Variants in PCDH1 observed in about 807,000 individuals in gnomAD.
The protein encoded by PCDH1 is protocadherin-1.
In PCDH1, 23 loss-of-function variants were observed where a neutral mutation model predicts 74.6. The observed-to-expected ratio is 0.31, with a 90% confidence interval of 0.22 to 0.44. The LOEUF is 0.44. Among genes scored for constraint, PCDH1 ranks in the 20% least tolerant of loss-of-function variants. The pLI is 1.00. For missense variants in PCDH1, 1,214 were observed against 1,641.4 expected (o/e 0.74, Z 4.50); for synonymous variants, 647 against 686.1 (o/e 0.94, Z 0.89).
chr5:141,878,313 G>A lies in PCDH1; in HGVS notation c.-51C>T. 1 of 1,196,818 alleles carries A rather than the reference G, an allele frequency of 8.4e-7. No individual in the cohort carries two copies. The highest frequency in any genetic ancestry group is 1.0e-6 in the Non-Finnish European group (1 of 964,858). The allele number at this position is 1,196,818 out of a possible 1,614,324, so 74.1% of individuals were successfully genotyped here. A position where few individuals can be genotyped will look rare whatever the true frequency, so the allele number is the denominator to read the frequency against. ...CTGCGGCTCCGCACGGCTGGGGCTG[G>A]AGCTGCAGTTCGGGCTCCGGCTCCG... On this transcript the variant is annotated 5_prime_UTR_variant, in exon 1 of 5. Coordinates refer to ENST00000287008, the MANE Select transcript of PCDH1 (RefSeq NM_032420.5). The surrounding 1 kb of genome is among the most constrained non-coding windows in gnomAD (Gnocchi z 5.5).
At chr5:141,861,762 C>T (rs189633412) in intron 3 of PCDH1, among the ~76,000 whole-genome samples, 146 of 152,128 alleles carry the variant, frequency 9.6e-4, no homozygotes, top group Middle Eastern at 3.4e-3. Context: ...TCAGAGACTC[C>T]CCCAGGGCCT....
At chr5:141,873,858 A>G (rs1487595241) in intron 1 of PCDH1, among the ~76,000 whole-genome samples, 1 of 152,132 alleles carries the variant, frequency 6.6e-6, no homozygotes, top group Non-Finnish European at 1.5e-5. Flanking sequence ...TTTTACACAC[A>G]TGATCTCTTT....
rs1178090338 is a variant in PCDH1 at position 141,853,360 on chromosome 5, A to T, written c.*682T>A. On this transcript the variant is annotated 3_prime_UTR_variant, in exon 5 of 5. Transcript: ENST00000287008. ...CACGACATCAACAAGAAAAGTTGCA[A>T]ATCAGGCAGAAATGGGGACGTCATT... 6.6e-6 allele frequency: 1 copy of T among 152,482 alleles called. No homozygotes were observed. The highest frequency in any genetic ancestry group is 1.5e-5 in the Non-Finnish European group (1 of 68,170). 9.4% of individuals were successfully genotyped at this position (152,482 alleles called of 1,614,324 possible). A position where few individuals can be genotyped will look rare whatever the true frequency, so the allele number is the denominator to read the frequency against.
At chr5:141,867,647 C>T in intron 2 of PCDH1, 2 of 444,670 alleles carry the variant, frequency 4.5e-6, no homozygotes, top group Non-Finnish European at 8.9e-6. Flanking sequence ...AAACTCCCAC[C>T]CATCTCCCAC....
At chr5:141,857,859 C>T (rs745690902) in intron 3 of PCDH1, among the ~76,000 whole-genome samples, 4 of 152,280 alleles carry the variant, frequency 2.6e-5, no homozygotes, top group East Asian at 1.9e-4. Context: ...ACCTGTAATA[C>T]GGTGTAGAGC....
At position 141,864,990 on chromosome 5, in the gene PCDH1, C is replaced by G. The variant is rs774136837; in HGVS notation, c.1341G>C (p.Glu447Asp). The G allele has an allele frequency of 5.0e-6, 8 of 1,614,142 alleles. No individual in the cohort carries two copies. In the Admixed American group the frequency reaches 1.3e-4, roughly 27 times the overall value. Residue 447 changes from glutamate to aspartate, a missense_variant, in exon 3 of 5, where the codon GAG becomes GAC. Physicochemically the swap from Glu to Asp is conservative, Grantham distance 45. Coordinates refer to ENST00000287008, the MANE Select transcript of PCDH1 (RefSeq NM_032420.5). The surrounding 1 kb of genome is among the most constrained non-coding windows in gnomAD (Gnocchi z 5.9). ...DVPFQLRQAS[E>D]TGSDSKKKYF... The stretch of plus-strand genomic sequence containing the variant: ...ACTTCTTCTTGCTGTCACTGCCTGT[C>G]TCACTGGCCTGGCGCAGCTGGAAGG...
intron 3 of PCDH1, among the ~76,000 whole-genome samples, chr5:141,860,750 T>G (rs1596548378): frequency 6.6e-6 from 1 of 152,012 alleles, no homozygotes; most frequent in East Asian, 1.9e-4. Context: ...TCATAAAGAG[T>G]TATGAGCACT....
Position 141,864,126 on chromosome 5 carries a change from C to G in PCDH1, c.2205G>C (p.Thr735=). 3 of 1,609,488 alleles carry G rather than the reference C, an allele frequency of 1.9e-6. No individual in the cohort carries two copies. Among genetic ancestry groups the G allele is most frequent in the Non-Finnish European group, 1.7e-6 (2 of 1,176,524 alleles). ...AGTCCTCGGCTGCCACCTGGCTGACCGTCTCACCAAGACGTGTCTGGGGGG... is the reference window on the plus strand; with the variant it reads ...AGTCCTCGGCTGCCACCTGGCTGACGGTCTCACCAAGACGTGTCTGGGGGG... The part of the protein sequence containing the change: ...LLTPQTRLGE[T]VSQVAAEDFD... The change falls in exon 3 of 5, where the codon ACG becomes ACC. Residue 735 remains threonine (T), a synonymous_variant. Transcript: ENST00000287008. The surrounding 1 kb of genome is among the most constrained non-coding windows in gnomAD (Gnocchi z 5.9).
intron 3 of PCDH1, among the ~76,000 whole-genome samples, chr5:141,858,480 T>C (rs938314817): frequency 6.6e-6 from 1 of 152,056 alleles, no homozygotes; most frequent in Non-Finnish European, 1.5e-5. Context: ...GCTGCTGGCA[T>C]GAGGAGCCAG....
chr5:141,863,832 C>T lies in PCDH1; in HGVS notation c.2499G>A (p.Pro833=), dbSNP rs141087399. 1.0e-4 allele frequency: 162 copies of T among 1,614,182 alleles called. No homozygotes were observed. The South Asian group carries it at 1.3e-3, about 13-fold the overall frequency. The change falls in exon 3 of 5, where the codon CCG becomes CCA. Residue 833 remains proline, a synonymous_variant. Coordinates refer to ENST00000287008, the MANE Select transcript of PCDH1 (RefSeq NM_032420.5). The surrounding 1 kb of genome is among the most constrained non-coding windows in gnomAD (Gnocchi z 7.5). ...ETLLGHSLDT[P]LDIDIAGDPE... is the part of the protein sequence containing the mutation. The stretch of plus-strand genomic sequence containing the variant: ...GATCCCCAGCAATGTCAATATCCAG[C>T]GGCGTGTCCAGGCTGTGGCCCAGGA...
chr5:141,862,173 T>C (rs1052618624), intron 3 of PCDH1, among the ~76,000 whole-genome samples: 1 of 152,118 alleles, frequency 6.6e-6, no homozygotes, highest in Admixed American at 6.5e-5. Context: ...AGGGAAGGAC[T>C]TGCCCTGGGG....
Position 141,863,424 on chromosome 5 carries a change from A to G in PCDH1, c.2907T>C (p.Tyr969=). Residue 969 remains tyrosine, a synonymous_variant, in exon 3 of 5, where the codon TAT becomes TAC. Transcript: ENST00000287008. The surrounding 1 kb of genome is among the most constrained non-coding windows in gnomAD (Gnocchi z 7.5). ...PPGSPDLGRH[Y]RSNSPLPSIQ... ...TGGAAGGCAGTGGGGAGTTAGAGCG[A>G]TAGTGGCGGCCCAGGTCAGGGCTGC... The G allele has an allele frequency of 6.4e-7, 1 of 1,561,798 alleles. No homozygotes were observed. Among genetic ancestry groups the G allele is most frequent in the Non-Finnish European group, 8.7e-7 (1 of 1,153,056 alleles).
chr5:141,872,623 A>G (rs2126831359), intron 1 of PCDH1, among the ~76,000 whole-genome samples: 2 of 152,216 alleles, frequency 1.3e-5, no homozygotes, highest in African/African-American at 4.8e-5. Context: ...CCTCCATCTC[A>G]CAGTCACAAC....
rs138410646 is a variant in PCDH1, at chr5:141,865,225, G to T, written c.1106C>A (p.Ala369Asp). 7.8e-5 allele frequency: 126 copies of T among 1,614,066 alleles called. No homozygotes were observed. Among genetic ancestry groups the T allele is most frequent in the Non-Finnish European group, 1.0e-4 (120 of 1,180,040 alleles). ...AKDRGTNPKSARAQVVVTVKD... is the reference protein window; with the variant it reads ...AKDRGTNPKSDRAQVVVTVKD... ...CACGGTCACAACCACCTGGGCACGG[G>T]CACTCTTGGGGTTGGTGCCTCGGTC... The change falls in exon 3 of 5, where the codon GCC (alanine) becomes GAC (aspartate). Residue 369 changes from alanine (A) to aspartate (D), a missense_variant. By Grantham distance (126) the Ala-to-Asp change is moderately radical. Coordinates refer to ENST00000287008, the MANE Select transcript of PCDH1 (RefSeq NM_032420.5). This position sits in a 1 kb window ranked among gnomAD's most constrained non-coding sequence, Gnocchi z 4.4.
Position 141,878,348 on chromosome 5 carries a change from G to GGCTT in PCDH1, c.-87_-86insAAGC. On this transcript the variant is annotated 5_prime_UTR_variant, in exon 1 of 5. Transcript: ENST00000287008. This position sits in a 1 kb window ranked among gnomAD's most constrained non-coding sequence, Gnocchi z 5.5. ...TCGGGCTCCGGCTCCGGCTCCGGCT[G>GGCTT]GCTCTGGGCGCAGCAGCCCGGCGGC... 1 of 1,034,474 alleles carries GGCTT rather than the reference G, an allele frequency of 9.7e-7. No homozygotes were observed. Among genetic ancestry groups the GGCTT allele is most frequent in the African/African-American group, 1.7e-5 (1 of 59,050 alleles). The allele number at this position is 1,034,474 out of a possible 1,614,324, so 64.1% of individuals were successfully genotyped here.
Position 141,865,215 on chromosome 5 carries a change from C to A in PCDH1, c.1116G>T (p.Gln372His), listed in dbSNP as rs760678564. Residue 372 changes from glutamine (Q) to histidine (H), a missense_variant, in exon 3 of 5, where the codon CAG becomes CAT. Gln to His is a conservative substitution (Grantham distance 24). This residue lies in a region of PCDH1 where 836 missense variants were observed against 1,182.2 expected (regional missense o/e 0.71). Transcript: ENST00000287008. The surrounding 1 kb of genome is among the most constrained non-coding windows in gnomAD (Gnocchi z 4.4). ...TCATGTCCTTCACGGTCACAACCAC[C>A]TGGGCACGGGCACTCTTGGGGTTGG... is the stretch of plus-strand genomic sequence containing the variant. ...RGTNPKSARA[Q>H]VVVTVKDMND... 12 of 1,614,182 alleles carry A rather than the reference C, an allele frequency of 7.4e-6. No homozygotes were observed. The highest frequency in any genetic ancestry group is 2.2e-5 in the East Asian group (1 of 44,872).
In PCDH1 at chr5:141,857,286, A is replaced by C. The variant is rs1752389385; in HGVS notation, c.3285T>G (p.Asp1095Glu). 6.2e-7 allele frequency: 1 copy of C among 1,608,150 alleles called. No homozygotes were observed. The stretch of plus-strand genomic sequence containing the variant: ...GGTGCTCCATCTCTCCTATGCTGCC[A>C]TCAGGGGTGGTGCGCTCATAGTGAT... ...PEDHYERTTPDGSIGEMEHPE... is the reference protein window; with the variant it reads ...PEDHYERTTPEGSIGEMEHPE... Residue 1095 changes from aspartate (D) to glutamate (E), a missense_variant, in exon 4 of 5, where the codon GAT (aspartate) becomes GAG (glutamate). Asp to Glu is a conservative substitution (Grantham distance 45, BLOSUM62 2). This residue lies in a region of PCDH1 where 836 missense variants were observed against 1,182.2 expected (regional missense o/e 0.71). Transcript: ENST00000287008.
At chr5:141,855,862 G>A (rs1752314617) in intron 4 of PCDH1, among the ~76,000 whole-genome samples, 1 of 152,164 alleles carries the variant, frequency 6.6e-6, no homozygotes. Context: ...TTGCTGGGCA[G>A]CGGGGGTCTC....
intron 1 of PCDH1, among the ~76,000 whole-genome samples, chr5:141,873,025 G>A (rs2126831678): frequency 6.6e-6 from 1 of 152,248 alleles, no homozygotes; most frequent in East Asian, 1.9e-4. Context: ...TCAGGAGGTG[G>A]GACCTAGAGA....
Sources: allele counts gnomAD v4.1 joint callset (sites outside exome capture counted in the v4.1 genomes callset), GRCh38; gene constraint gnomAD v4.1.1; regional missense constraint gnomAD v4.1.1; non-coding constraint Gnocchi (gnomAD v3.1); transcripts MANE v1.5; gene names NCBI Gene and HGNC (gene_info 2026-07-23, HGNC 2026-07-21).